Variants in NRXN3 observed in about 807,000 individuals in gnomAD.
NRXN3 encodes the protein neurexin III.
A neutral mutation model predicts 137.6 loss-of-function variants in NRXN3; 32 were observed. The observed-to-expected ratio is 0.23, with a 90% CI of 0.18 to 0.31. The LOEUF is 0.31. Among genes scored for constraint, NRXN3 ranks in the 10% least tolerant of loss-of-function variants. NRXN3 has a pLI of 1.00. For missense variants in NRXN3, 1,574 were observed against 2,062.5 expected (o/e 0.76, Z 4.59); for synonymous variants, 798 against 784.5 (o/e 1.02, Z -0.29).
chr14:78,742,153 T>G (rs1475901579), intron 8 of NRXN3, among the ~76,000 whole-genome samples: 1 of 152,216 alleles, frequency 6.6e-6, no homozygotes, highest in Non-Finnish European at 1.5e-5. Flanking sequence ...ATTTGGCAAC[T>G]GTCTACTTCC....
At chr14:79,740,638 C>A (rs1268428500) in intron 19 of NRXN3, among the ~76,000 whole-genome samples, 1 of 145,794 alleles carries the variant, frequency 6.9e-6, no homozygotes, top group Admixed American at 7.0e-5. Flanking sequence ...ACTTTTGCAT[C>A]TCTTCTGATT....
intron 19 of NRXN3, among the ~76,000 whole-genome samples, chr14:79,764,161 T>TG (rs201132937): frequency 3.7e-5 from 3 of 81,800 alleles, no homozygotes; most frequent in South Asian, 4.7e-4. Flanking sequence ...TTTCTTTTGG[T>TG]GGGTGGGGGG....
chr14:79,255,856 T>C (rs2076500404), intron 15 of NRXN3, among the ~76,000 whole-genome samples: 1 of 152,210 alleles, frequency 6.6e-6, no homozygotes, highest in African/African-American at 2.4e-5. Flanking sequence ...CTTAGATTGG[T>C]ATCTTCTGTT....
chr14:78,967,472 C>T (rs2099421270), intron 13 of NRXN3, 74 bp downstream of exon 13: 1 of 1,094,252 alleles, frequency 9.1e-7, no homozygotes, highest in Non-Finnish European at 1.3e-6. Context: ...AGAGGCAAAC[C>T]ACAGGTTCAG....
chr14:79,387,909 C>T (rs1218009597), intron 15 of NRXN3, among the ~76,000 whole-genome samples: 2 of 133,002 alleles, frequency 1.5e-5, no homozygotes, highest in Non-Finnish European at 3.0e-5. Flanking sequence ...ACAATGAGAA[C>T]ACTTGGACAC....
intron 1 of NRXN3, among the ~76,000 whole-genome samples, chr14:78,233,545 G>C (rs556453842): frequency 1.7e-4 from 26 of 152,226 alleles, no homozygotes; most frequent in Non-Finnish European, 2.9e-4. Context: ...CCCAGTAACA[G>C]GGAGCCTGCT....
chr14:78,969,689 C>T (rs968225977), intron 14 of NRXN3, among the ~76,000 whole-genome samples: 1 of 152,104 alleles, frequency 6.6e-6, no homozygotes, highest in Non-Finnish European at 1.5e-5. Flanking sequence ...TTCCCTTTGC[C>T]TAAGAGTTAT....
At chr14:78,278,326 T>A (rs1424564820) in intron 2 of NRXN3, among the ~76,000 whole-genome samples, 3 of 152,210 alleles carry the variant, frequency 2.0e-5, no homozygotes, top group Non-Finnish European at 4.4e-5. Flanking sequence ...ACCAATATTC[T>A]TGCAGGATTC....
At chr14:78,318,455 AGT>A (rs1597266605) in intron 4 of NRXN3, among the ~76,000 whole-genome samples, 1 of 152,260 alleles carries the variant, frequency 6.6e-6, no homozygotes, top group East Asian at 1.9e-4. Flanking sequence ...TCTAGTCTCA[AGT>A]GTGTTTTTAA....
At chr14:78,810,217 G>C in intron 9 of NRXN3, 101 bp from the exon 10 acceptor site, 1 of 703,158 alleles carries the variant, frequency 1.4e-6, no homozygotes, top group Non-Finnish European at 2.5e-6. Flanking sequence ...CATTTCTTAC[G>C]TGTGTCTGTC....
intron 4 of NRXN3, among the ~76,000 whole-genome samples, chr14:78,377,306 G>C (rs1286272230): frequency 2.0e-5 from 3 of 152,166 alleles, no homozygotes; most frequent in Non-Finnish European, 4.4e-5. Context: ...TGTTGCCAGA[G>C]ACAAACAGGG....
intron 17 of NRXN3, among the ~76,000 whole-genome samples, chr14:79,670,083 A>G (rs1023221434): frequency 6.6e-6 from 1 of 152,018 alleles, no homozygotes; most frequent in African/African-American, 2.4e-5. Flanking sequence ...CTTATGTCCT[A>G]GGCACTGAAG....
At chr14:79,069,718 A>G (rs565594208) in intron 15 of NRXN3, among the ~76,000 whole-genome samples, 2 of 152,220 alleles carry the variant, frequency 1.3e-5, no homozygotes, top group Admixed American at 1.3e-4. Flanking sequence ...CCTGGTGATT[A>G]TATTGTGACA....
Position 79,699,093 on chromosome 14 carries a change from C to A in NRXN3, c.4014+1156C>A, listed in dbSNP as rs576358478. On this transcript the variant is annotated intron_variant, in intron 19 of 20. Transcript: ENST00000335750. ...ATATATGCTGACAGTGTCATAAGGG[C>A]AATTTTATCGTTTTCAAAAGGCTTC... Among the ~76,000 whole-genome samples the A allele has an allele frequency of 5.3e-5, 8 of 151,922 alleles. No homozygotes were observed. The South Asian group carries it at 1.5e-3, about 28-fold the overall frequency.
intron 15 of NRXN3, among the ~76,000 whole-genome samples, chr14:79,040,083 C>T (rs891825841): frequency 3.9e-5 from 6 of 152,276 alleles, no homozygotes; most frequent in East Asian, 3.9e-4. Flanking sequence ...GTTCCCATCT[C>T]GCTCATTACC....
intron 4 of NRXN3, among the ~76,000 whole-genome samples, chr14:78,564,849 A>C (rs1206628696): frequency 6.6e-6 from 1 of 152,210 alleles, no homozygotes; most frequent in East Asian, 1.9e-4. Context: ...GAACCCTTCC[A>C]CTAGATCTTG....
intron 4 of NRXN3, among the ~76,000 whole-genome samples, chr14:78,362,498 C>T (rs950442221): frequency 1.3e-5 from 2 of 152,008 alleles, no homozygotes; most frequent in Non-Finnish European, 2.9e-5. Flanking sequence ...CATCTTTTTC[C>T]AAAGGGCATA....
At chr14:78,251,334 A>T (rs188960691) in intron 2 of NRXN3, among the ~76,000 whole-genome samples, 70 of 152,008 alleles carry the variant, frequency 4.6e-4, no homozygotes, top group Non-Finnish European at 8.5e-4. Context: ...TGAGAGGGGG[A>T]GATGATTACA....
chr14:79,020,896 C>CACACA (rs2099588532), intron 15 of NRXN3, among the ~76,000 whole-genome samples: 1 of 149,878 alleles, frequency 6.7e-6, no homozygotes, highest in Non-Finnish European at 1.5e-5. Context: ...CACACACACA[C>CACACA]CACTCTACAT....
Sources: gnomAD v4.1 joint callset for allele counts (sites outside exome capture counted in the v4.1 genomes callset) on GRCh38, gnomAD v4.1.1 for gene constraint, MANE v1.5 for transcripts, NCBI Gene and HGNC (gene_info 2026-07-23, HGNC 2026-07-21) for gene names.